The following KCNG2 variants were observed in gnomAD, a reference collection of about 807,000 sequenced individuals.
The protein encoded by KCNG2 is potassium voltage-gated channel modifier subfamily G member 2, also known as voltage-gated potassium channel regulatory subunit KCNG2.
In KCNG2, 7 loss-of-function variants were observed where a neutral mutation model predicts 12.3. The ratio of observed to expected loss-of-function variants is 0.57; its 90% CI spans 0.32 to 1.07. KCNG2 has a LOEUF of 1.07. Among genes scored for constraint, KCNG2 ranks in the 50% least tolerant of loss-of-function variants. The pLI, the probability that KCNG2 is intolerant of heterozygous loss-of-function variation, is 0.04. For synonymous variants in KCNG2, 414 were observed against 351.4 expected (o/e 1.18, Z -1.99); for missense variants, 703 against 726.0 (o/e 0.97, Z 0.36).
chr18:79,895,953 A>C (rs138022224), intron 3 of KCNG2, among the ~76,000 whole-genome samples: 6 of 152,022 alleles, frequency 3.9e-5, no homozygotes, highest in Admixed American at 2.6e-4. Context: ...TTTTAATTCC[A>C]CTAATTAGAT....
Position 79,822,919 on chromosome 18 carries a change from G to A in KCNG2, c.-115+24905G>A, listed in dbSNP as rs375539519. 3.3e-5 allele frequency among the ~76,000 whole-genome samples: 5 copies of A among 152,320 alleles called. No individual in the cohort carries two copies. The highest frequency in any genetic ancestry group is 3.9e-4 in the East Asian group (2 of 5,180). On this transcript the variant is annotated intron_variant, in intron 1 of 3. Transcript: ENST00000316249. The surrounding 1 kb of genome is among the most constrained non-coding windows in gnomAD (Gnocchi z 4.4). ...GGCTTATCGTGGGCGTTGGTGTTGC[G>A]TGTGGGTGTGGCTCACTTGTGGCAT... is the stretch of plus-strand genomic sequence containing the variant.
chr18:79,862,779 T>A (rs1414174293), intron 2 of KCNG2, among the ~76,000 whole-genome samples: 1 of 152,222 alleles, frequency 6.6e-6, no homozygotes, highest in Non-Finnish European at 1.5e-5. Context: ...ACTCCCCAAG[T>A]GGCTGCCTTT....
At chr18:79,897,116 GTTTTTAAAAAATTGT>G (rs1206721439) in intron 3 of KCNG2, among the ~76,000 whole-genome samples, 2 of 108,056 alleles carry the variant, frequency 1.9e-5, no homozygotes, top group African/African-American at 5.6e-5. Flanking sequence ...GTAGGTTATT[GTTTTTAAAAAATTGT>G]TTTTTTTTTC....
chr18:79,862,512 G>T (rs1218852536), intron 2 of KCNG2, among the ~76,000 whole-genome samples: 1 of 152,180 alleles, frequency 6.6e-6, no homozygotes, highest in East Asian at 1.9e-4. Context: ...CCTCCTGCTC[G>T]CAGAATCTGA....
chr18:79,834,757 T>C (rs1447250701), intron 1 of KCNG2, among the ~76,000 whole-genome samples: 1 of 152,160 alleles, frequency 6.6e-6, no homozygotes, highest in Non-Finnish European at 1.5e-5. Context: ...TCAGCTTTTC[T>C]CCCAACAGAC....
At chr18:79,895,413 GATTGC>G (rs1377320946) in intron 3 of KCNG2, among the ~76,000 whole-genome samples, 1 of 151,694 alleles carries the variant, frequency 6.6e-6, no homozygotes, top group African/African-American at 2.4e-5. Context: ...GTCTTCTTTT[GATTGC>G]ATTGTTCACT....
At chr18:79,828,858 G>T (rs1179223978) in intron 1 of KCNG2, among the ~76,000 whole-genome samples, 1 of 138,788 alleles carries the variant, frequency 7.2e-6, no homozygotes, top group Non-Finnish European at 1.5e-5. Flanking sequence ...ATGTGTCTGT[G>T]TGTGGGTGTC....
Position 79,872,280 on chromosome 18 carries a change from G to GTTTTTTTTTTTTTTTTTTTTTTTTT in KCNG2, c.624+8012_624+8013insTTTTTTTTTTTTTTTTTTTTTTTTT, listed in dbSNP as rs1162742507. Among the ~76,000 whole-genome samples the GTTTTTTTTTTTTTTTTTTTTTTTTT allele has an allele frequency of 1.4e-4, 10 of 73,414 alleles. 2 individuals are homozygous for GTTTTTTTTTTTTTTTTTTTTTTTTT. Among genetic ancestry groups the GTTTTTTTTTTTTTTTTTTTTTTTTT allele is most frequent in the African/African-American group, 5.2e-4 (10 of 19,070 alleles). The allele number at this position is 73,414 out of a possible 152,430, so 48.2% of individuals were successfully genotyped here. A position where few individuals can be genotyped will look rare whatever the true frequency, so the allele number is the denominator to read the frequency against. ...CTGATATAAAAGCTTCAAAGCTTCAGTTTTTTTTTTTTTTTTTTTTTTTGA... is the reference window on the plus strand; with the variant it reads ...CTGATATAAAAGCTTCAAAGCTTCAGTTTTTTTTTTTTTTTTTTTTTTTTTTTTTTTTTTTTTTTTTTTTTTTTGA... On this transcript the variant is annotated intron_variant, in intron 3 of 3. Coordinates refer to ENST00000316249, the MANE Select transcript of KCNG2 (RefSeq NM_012283.2).
At chr18:79,889,566 T>G (rs912562375) in intron 3 of KCNG2, among the ~76,000 whole-genome samples, 2 of 152,258 alleles carry the variant, frequency 1.3e-5, no homozygotes, top group African/African-American at 2.4e-5. Flanking sequence ...TGTATAGAGA[T>G]AAAATGGATT....
chr18:79,827,862 T>C (rs1345280544), intron 1 of KCNG2, among the ~76,000 whole-genome samples: 2 of 152,164 alleles, frequency 1.3e-5, no homozygotes, highest in East Asian at 3.8e-4. Context: ...TTTACCTATA[T>C]GTTTAAACAG....
At chr18:79,864,348 TGGGCTGCGGGGAGGTGGGTGGGGGAAG>T in intron 3 of KCNG2, 57 bp downstream of exon 3, 1 of 155,678 alleles carries the variant, frequency 6.4e-6, no homozygotes, top group Non-Finnish European at 1.2e-5. Flanking sequence ...GGCTGGGATC[TGGGCTGCGGGGAGGTGGGTGGGGGAAG>T]GGGCGCGGGG....
chr18:79,867,497 G>C (rs538735677), intron 3 of KCNG2, among the ~76,000 whole-genome samples: 3 of 114,436 alleles, frequency 2.6e-5, no homozygotes, highest in East Asian at 6.0e-4. Context: ...GTCTGGGGGG[G>C]GGATCGTGAG....
intron 1 of KCNG2, among the ~76,000 whole-genome samples, chr18:79,840,692 G>A (rs1401045868): frequency 1.3e-5 from 2 of 152,174 alleles, no homozygotes; most frequent in African/African-American, 2.4e-5. Flanking sequence ...TTCAAGGCAT[G>A]TTATATAGCT....
At chr18:79,857,339 T>C (rs1358136495) in intron 2 of KCNG2, among the ~76,000 whole-genome samples, 1 of 151,362 alleles carries the variant, frequency 6.6e-6, no homozygotes, top group African/African-American at 2.4e-5. Flanking sequence ...CTGGCCTCCA[T>C]TGCAGTAGTC....
chr18:79,829,071 T>A (rs1328839057), intron 1 of KCNG2, among the ~76,000 whole-genome samples: 3 of 85,924 alleles, frequency 3.5e-5, no homozygotes, highest in African/African-American at 1.2e-4. Context: ...TGTGTGTGCA[T>A]GTGTCTGTGT....
At chr18:79,897,408 A>G (rs1421361461) in intron 3 of KCNG2, among the ~76,000 whole-genome samples, 1 of 152,038 alleles carries the variant, frequency 6.6e-6, no homozygotes, top group African/African-American at 2.4e-5. Flanking sequence ...CAATTCCAGA[A>G]TTTCCGTTTG....
chr18:79,806,812 G>A (rs2087453246), intron 1 of KCNG2, among the ~76,000 whole-genome samples: 1 of 152,050 alleles, frequency 6.6e-6, no homozygotes, highest in South Asian at 2.1e-4. Flanking sequence ...ACCACTCCAC[G>A]CAAAATTAAT....
intron 1 of KCNG2, among the ~76,000 whole-genome samples, chr18:79,809,786 C>CA (rs776426214): frequency 6.6e-6 from 1 of 152,258 alleles, no homozygotes; most frequent in Non-Finnish European, 1.5e-5. Context: ...CGTCCTACTG[C>CA]ACACTAGGAG....
intron 3 of KCNG2, among the ~76,000 whole-genome samples, chr18:79,877,989 G>A (rs1272742457): frequency 6.7e-6 from 1 of 148,816 alleles, no homozygotes; most frequent in Non-Finnish European, 1.5e-5. Context: ...CACGTCCTGA[G>A]ACTGTTGTCA....
Sources: gnomAD v4.1 joint callset for allele counts (sites outside exome capture counted in the v4.1 genomes callset) on GRCh38, gnomAD v4.1.1 for gene constraint, Gnocchi (gnomAD v3.1) non-coding constraint, MANE v1.5 for transcripts, NCBI Gene and HGNC (gene_info 2026-07-23, HGNC 2026-07-21) for gene names.